Variants in ALK observed in about 807,000 individuals in gnomAD.
ALK encodes the protein ALK tyrosine kinase receptor.
Under a neutral mutation model 163.1 loss-of-function variants are expected in ALK, and 74 were observed. The observed-to-expected ratio is 0.45, with a 90% confidence interval of 0.38 to 0.55. The LOEUF (loss-of-function observed/expected upper bound fraction) is 0.55, where lower values mean the gene tolerates loss of function less well. Ranked by LOEUF, ALK falls within the 20% of genes least tolerant of loss-of-function variation. ALK has a pLI of 0.00. For synonymous variants in ALK, 960 were observed against 843.2 expected (o/e 1.14, Z -2.40); for missense variants, 2,063 against 2,105.3 (o/e 0.98, Z 0.39).
chr2:29,280,637 T>C (rs575485702), intron 9 of ALK, among the ~76,000 whole-genome samples: 1 of 150,352 alleles, frequency 6.7e-6, no homozygotes, highest in South Asian at 2.1e-4. Context: ...TGAGGGAAAG[T>C]TCTAGAATGT....
rs77984955 is a variant in ALK, at chr2:29,570,796, C to T, written c.953-38680G>A. On this transcript the variant is annotated intron_variant, in intron 3 of 28. Coordinates refer to ENST00000389048, the MANE Select transcript of ALK (RefSeq NM_004304.5). ...GCTTCCTTGTGCAGAGTGCAGATGG[C>T]GAACATTTTATCCAACCAGGGCTCA... 1.4e-3 allele frequency among the ~76,000 whole-genome samples: 215 copies of T among 152,228 alleles called. 2 individuals are homozygous for T. In the East Asian group the frequency reaches 0.027, roughly 19 times the overall value.
intron 4 of ALK, among the ~76,000 whole-genome samples, chr2:29,434,747 T>C (rs1391191516): frequency 6.6e-6 from 1 of 152,192 alleles, no homozygotes. Flanking sequence ...ACATGTATAA[T>C]AACCACTTTC....
At position 29,209,835 on chromosome 2, in the gene ALK, C is replaced by CA; in HGVS notation, c.3786dup (p.Gly1263TrpfsTer22). On this transcript the variant is annotated frameshift_variant, in exon 25 of 29. Transcript: ENST00000389048. LOFTEE classifies it high-confidence loss of function. ...AAGTCTCCAATCTTGGCCACTCTTC[C>CA]AGGGCCTGGACAGGTCAAGAGGCAG... is the stretch of plus-strand genomic sequence containing the variant. 1 of 1,614,182 alleles carries CA rather than the reference C, an allele frequency of 6.2e-7. No individual in the cohort carries two copies. Among genetic ancestry groups the CA allele is most frequent in the Non-Finnish European group, 8.5e-7 (1 of 1,180,024 alleles).
chr2:29,217,628 A>G (rs1030620490), intron 23 of ALK, among the ~76,000 whole-genome samples: 2 of 152,136 alleles, frequency 1.3e-5, no homozygotes, highest in Non-Finnish European at 2.9e-5. Context: ...CTTTTATCCC[A>G]TCTCAAAGGG....
chr2:29,812,172 G>T (rs1484947029), intron 1 of ALK, among the ~76,000 whole-genome samples: 1 of 152,184 alleles, frequency 6.6e-6, no homozygotes, highest in Admixed American at 6.5e-5. Flanking sequence ...ACAGATCTCA[G>T]GTGTTGTGCC....
intron 4 of ALK, among the ~76,000 whole-genome samples, chr2:29,389,543 C>T (rs982874010): frequency 6.6e-6 from 1 of 152,178 alleles, no homozygotes; most frequent in Non-Finnish European, 1.5e-5. Context: ...CTCCTTAATG[C>T]CAGAATGGTG....
At chr2:29,526,783 G>A (rs1672969598) in intron 4 of ALK, among the ~76,000 whole-genome samples, 2 of 152,184 alleles carry the variant, frequency 1.3e-5, no homozygotes, top group Non-Finnish European at 2.9e-5. Context: ...CATTGCACTG[G>A]GCTGACTGAA....
intron 1 of ALK, among the ~76,000 whole-genome samples, chr2:29,721,062 A>G (rs1679407815): frequency 6.6e-6 from 1 of 152,180 alleles, no homozygotes; most frequent in African/African-American, 2.4e-5. Context: ...CCTGAAGAGA[A>G]AGGAGGAAGA....
intron 3 of ALK, among the ~76,000 whole-genome samples, chr2:29,590,686 T>A (rs1342304528): frequency 6.6e-6 from 1 of 152,102 alleles, no homozygotes; most frequent in Non-Finnish European, 1.5e-5. Context: ...GAATTTTCCA[T>A]CCTCTTACCC....
chr2:29,572,679 T>G (rs1674409368), intron 3 of ALK, among the ~76,000 whole-genome samples: 1 of 152,180 alleles, frequency 6.6e-6, no homozygotes, highest in African/African-American at 2.4e-5. Context: ...TGTCATCCCT[T>G]AAAGGTGAGG....
chr2:29,494,843 CGTGTGTGTGTGTGTGT>C (rs35306598), intron 4 of ALK, among the ~76,000 whole-genome samples: 2 of 147,212 alleles, frequency 1.4e-5, no homozygotes. Context: ...TTTAGAGACT[CGTGTGTGTGTGTGTGT>C]GTGTGTGTGT....
intron 4 of ALK, among the ~76,000 whole-genome samples, chr2:29,486,020 C>T (rs1332128885): frequency 2.0e-5 from 3 of 152,182 alleles, no homozygotes; most frequent in Non-Finnish European, 1.5e-5. Context: ...TGCTTCCCGC[C>T]CCAGAGCTCA....
At chr2:29,430,188 A>T (rs1670240325) in intron 4 of ALK, among the ~76,000 whole-genome samples, 1 of 152,196 alleles carries the variant, frequency 6.6e-6, no homozygotes, top group South Asian at 2.1e-4. Context: ...GCAATAAAAA[A>T]ATAGAAAAAT....
intron 1 of ALK, among the ~76,000 whole-genome samples, chr2:29,914,916 C>G (rs999613861): frequency 2.0e-5 from 3 of 152,144 alleles, no homozygotes; most frequent in African/African-American, 4.8e-5. Context: ...TGCTATATGA[C>G]CTGGAAAAAT....
chr2:29,621,250 A>C (rs1277068918), intron 3 of ALK, among the ~76,000 whole-genome samples: 2 of 152,164 alleles, frequency 1.3e-5, no homozygotes, highest in African/African-American at 4.8e-5. Flanking sequence ...GAAAAAAAAA[A>C]CAACACTGTC....
At chr2:29,852,756 A>G (rs959877745) in intron 1 of ALK, among the ~76,000 whole-genome samples, 1 of 151,752 alleles carries the variant, frequency 6.6e-6, no homozygotes, top group African/African-American at 2.4e-5. Context: ...GACCTTTGGG[A>G]GGTGATTAGG....
At chr2:29,823,690 G>A (rs1016252506) in intron 1 of ALK, among the ~76,000 whole-genome samples, 3 of 152,172 alleles carry the variant, frequency 2.0e-5, no homozygotes, top group Non-Finnish European at 2.9e-5. Flanking sequence ...GTATCTGGTG[G>A]ATGAAATTTC....
chr2:29,216,595 G>A (rs1351770412), intron 23 of ALK, among the ~76,000 whole-genome samples: 1 of 152,060 alleles, frequency 6.6e-6, no homozygotes, highest in Admixed American at 6.6e-5. Flanking sequence ...TGGGTTATGG[G>A]GGGTGTCTGG....
chr2:29,384,821 G>C (rs561879682), intron 4 of ALK, among the ~76,000 whole-genome samples: 3 of 152,132 alleles, frequency 2.0e-5, no homozygotes, highest in Non-Finnish European at 1.5e-5. Context: ...GGGAGGCCAA[G>C]GTGGGCGGAT....
Sources: allele counts gnomAD v4.1 joint callset (sites outside exome capture counted in the v4.1 genomes callset), GRCh38; gene constraint gnomAD v4.1.1; transcripts MANE v1.5; gene names NCBI Gene and HGNC (gene_info 2026-07-23, HGNC 2026-07-21).